Variants in PLPP4 observed in about 807,000 individuals in gnomAD.
The protein encoded by PLPP4 is diacylglycerol pyrophosphate like 2.
In PLPP4, 20 loss-of-function variants were observed where a neutral mutation model predicts 32.2. The observed-to-expected ratio is 0.62, with a 90% CI of 0.44 to 0.90. The LOEUF (loss-of-function observed/expected upper bound fraction) is 0.90. PLPP4 is among the 40% of genes least tolerant of loss of function. The pLI is 0.00. For missense variants in PLPP4, 257 were observed against 353.1 expected, an observed-to-expected ratio of 0.73 and a Z score of 2.18; for synonymous variants, 127 against 133.0, an observed-to-expected ratio of 0.95 and a Z score of 0.31.
At chr10:120,557,001 T>C (rs1348317539) in intron 5 of PLPP4, among the ~76,000 whole-genome samples, 1 of 151,670 alleles carries the variant, frequency 6.6e-6, no homozygotes, top group African/African-American at 2.4e-5. Flanking sequence ...CTCAAAACTT[T>C]GTAACAAAAG....
At chr10:120,522,268 C>CG (rs1846187051) in intron 5 of PLPP4, among the ~76,000 whole-genome samples, 1 of 152,100 alleles carries the variant, frequency 6.6e-6, no homozygotes, top group Admixed American at 6.6e-5. Context: ...AATAACTGAA[C>CG]GCTGTTTCCT....
chr10:120,462,827 A>C (rs1848119011), intron 1 of PLPP4, among the ~76,000 whole-genome samples: 1 of 152,118 alleles, frequency 6.6e-6, no homozygotes, highest in Admixed American at 6.5e-5. Context: ...AATGGATGGC[A>C]GCACCGCAGG....
chr10:120,486,318 A>T (rs1446682025), intron 1 of PLPP4, among the ~76,000 whole-genome samples: 1 of 150,492 alleles, frequency 6.6e-6, no homozygotes, highest in Non-Finnish European at 1.5e-5. Context: ...TTGATGGGAG[A>T]CATGGACTCG....
Position 120,465,941 on chromosome 10 carries a change from C to A in PLPP4, c.56+8580C>A, listed in dbSNP as rs187523385. 3.0e-3 allele frequency among the ~76,000 whole-genome samples: 450 copies of A among 152,172 alleles called. 1 individual carries two copies. Among genetic ancestry groups the A allele is most frequent in the African/African-American group, 0.01 (427 of 41,526 alleles). On this transcript the variant is annotated intron_variant, in intron 1 of 6. Coordinates refer to ENST00000398250, the MANE Select transcript of PLPP4 (RefSeq NM_001030059.3). Reference sequence around the variant, plus strand: ...TGCTCCAATTCATTTATTCATTTTACCCACGGATATATGGGATATTTATCA... The same window carrying A: ...TGCTCCAATTCATTTATTCATTTTAACCACGGATATATGGGATATTTATCA...
chr10:120,574,166 A>ACT (rs1849087940), intron 5 of PLPP4, among the ~76,000 whole-genome samples: 3 of 48,022 alleles, frequency 6.2e-5, no homozygotes, highest in South Asian at 7.5e-4. Flanking sequence ...ACACACACAC[A>ACT]CACTCTCTCT....
chr10:120,543,880 C>G (rs1247937376), intron 5 of PLPP4, among the ~76,000 whole-genome samples: 3 of 152,168 alleles, frequency 2.0e-5, no homozygotes, highest in Non-Finnish European at 4.4e-5. Flanking sequence ...CTTGTTGTGA[C>G]TGTTTTCTTT....
intron 6 of PLPP4, among the ~76,000 whole-genome samples, chr10:120,576,498 T>G (rs1320511384): frequency 3.9e-5 from 6 of 152,212 alleles, no homozygotes; most frequent in Non-Finnish European, 8.8e-5. Context: ...GGAGACCTTG[T>G]GCTCCTTCTA....
chr10:120,489,092 C>T (rs1298271852), intron 1 of PLPP4, among the ~76,000 whole-genome samples: 1 of 152,180 alleles, frequency 6.6e-6, no homozygotes, highest in Non-Finnish European at 1.5e-5. Context: ...GATGACGTCT[C>T]ATTTACTGCA....
At chr10:120,465,922 A>G (rs568384926) in intron 1 of PLPP4, among the ~76,000 whole-genome samples, 1 of 152,224 alleles carries the variant, frequency 6.6e-6, no homozygotes, top group South Asian at 2.1e-4. Flanking sequence ...CGTGTGCTCC[A>G]ATTCATTTAT....
At chr10:120,503,491 C>A in intron 1 of PLPP4, 1 of 1,540,136 alleles carries the variant, frequency 6.5e-7, no homozygotes, top group Non-Finnish European at 8.8e-7. Context: ...TGCTGCTGCC[C>A]TGGCCTTGCC....
rs761712379 is a variant in PLPP4, at chr10:120,540,327, A to T, written c.445+19232A>T. The stretch of plus-strand genomic sequence containing the variant: ...TGCTTCACAATTTGGCCTTTGTCAC[A>T]ATATCTTTGGTAAAACTCTCAATAC... On this transcript the variant is annotated intron_variant, in intron 5 of 6. Coordinates refer to ENST00000398250, the MANE Select transcript of PLPP4 (RefSeq NM_001030059.3). 2.0e-5 allele frequency among the ~76,000 whole-genome samples: 3 copies of T among 152,204 alleles called. No individual in the cohort carries two copies. The East Asian group carries it at 5.8e-4, about 29-fold the overall frequency.
At position 120,559,681 on chromosome 10, in the gene PLPP4, CAT is replaced by C. The variant is rs1282715548; in HGVS notation, c.446-15448_446-15447del. On this transcript the variant is annotated intron_variant, in intron 5 of 6. Transcript: ENST00000398250. ...GGATTTGTGAAAATTTGAAAAAACT[CAT>C]AGAGGAATCACAAAGCCTAGAAATC... Among the ~76,000 whole-genome samples the C allele has an allele frequency of 4.6e-5, 7 of 151,370 alleles. No individual in the cohort carries two copies. In the East Asian group the frequency reaches 9.7e-4, roughly 21 times the overall value.
chr10:120,581,105 GA>G (rs1849488414), intron 6 of PLPP4: 1 of 1,238,964 alleles, frequency 8.1e-7, no homozygotes, highest in Admixed American at 2.6e-5. Flanking sequence ...AGCCTCAAGA[GA>G]GGCATTCTCA....
chr10:120,515,784 T>C (rs1423335115), intron 3 of PLPP4, among the ~76,000 whole-genome samples: 2 of 152,232 alleles, frequency 1.3e-5, no homozygotes, highest in African/African-American at 2.4e-5. Flanking sequence ...CTCAGTTCAT[T>C]TGGAAATCCC....
At chr10:120,479,308 GA>G (rs957704115) in intron 1 of PLPP4, among the ~76,000 whole-genome samples, 3 of 152,112 alleles carry the variant, frequency 2.0e-5, no homozygotes, top group African/African-American at 7.2e-5. Flanking sequence ...TCGTCCTCCA[GA>G]AATAATTTTC....
At chr10:120,553,010 T>G (rs1847981163) in intron 5 of PLPP4, among the ~76,000 whole-genome samples, 1 of 152,210 alleles carries the variant, frequency 6.6e-6, no homozygotes, top group African/African-American at 2.4e-5. Context: ...GTTACTATTA[T>G]CTGATTCTTC....
chr10:120,481,767 A>G (rs1447213273), intron 1 of PLPP4, among the ~76,000 whole-genome samples: 1 of 152,232 alleles, frequency 6.6e-6, no homozygotes, highest in Non-Finnish European at 1.5e-5. Flanking sequence ...GCTGCCATTT[A>G]GCAACTGATA....
intron 5 of PLPP4, among the ~76,000 whole-genome samples, chr10:120,558,744 G>GC (rs906905369): frequency 2.6e-5 from 4 of 151,996 alleles, no homozygotes; most frequent in African/African-American, 9.6e-5. Flanking sequence ...ATTTTTATCT[G>GC]CCACTTTAAG....
At chr10:120,542,594 C>G (rs1266831102) in intron 5 of PLPP4, among the ~76,000 whole-genome samples, 1 of 152,162 alleles carries the variant, frequency 6.6e-6, no homozygotes, top group Non-Finnish European at 1.5e-5. Context: ...CTGCCTCCCC[C>G]AGAAAAGGTG....
Sources: allele counts gnomAD v4.1 joint callset (sites outside exome capture counted in the v4.1 genomes callset), GRCh38; gene constraint gnomAD v4.1.1; transcripts MANE v1.5; gene names NCBI Gene and HGNC (gene_info 2026-07-23, HGNC 2026-07-21).